The following MBD5 variants were observed in gnomAD, a reference collection of about 807,000 sequenced individuals.
The protein encoded by MBD5 is methyl-CpG binding domain protein 5.
A neutral mutation model predicts 117.3 loss-of-function variants in MBD5; 13 were observed. That is an observed-to-expected ratio of 0.11 (90% confidence interval 0.07 to 0.18). The LOEUF (loss-of-function observed/expected upper bound fraction) is 0.18, where lower values mean the gene tolerates loss of function less well. Ranked by LOEUF, MBD5 falls within the 10% of genes least tolerant of loss-of-function variation. The probability of loss-of-function intolerance (pLI) is 1.00; values close to 1 mark genes in which losing one functional copy is unlikely to be tolerated. For missense variants in MBD5, 1,879 were observed against 2,093.8 expected, an observed-to-expected ratio of 0.90 and a Z score of 2.00; for synonymous variants, 727 against 766.4, an observed-to-expected ratio of 0.95 and a Z score of 0.85.
Position 148,490,469 on chromosome 2 carries a change from C to A in MBD5, c.4837C>A (p.Pro1613Thr), listed in dbSNP as rs773779478. The change falls in exon 11 of 14, where the codon CCA becomes ACA. Residue 1613 changes from proline to threonine, a missense_variant. Physicochemically the swap from Pro to Thr is conservative, Grantham distance 38. Coordinates refer to ENST00000642680, the MANE Select transcript of MBD5 (RefSeq NM_001378120.1). ...PSSNELIHYR[P>T]RTFNVGDLVW... ...TTCAAATGAATTGATACATTATAGA[C>A]CAAGGACGTTCAATGTTGGCGACTT... is the stretch of plus-strand genomic sequence containing the variant. 6.2e-7 allele frequency: 1 copy of A among 1,614,154 alleles called. No individual in the cohort carries two copies. Among genetic ancestry groups the A allele is most frequent in the Non-Finnish European group, 8.5e-7 (1 of 1,180,032 alleles).
intron 11 of MBD5, among the ~76,000 whole-genome samples, chr2:148,498,882 A>G (rs775058414): frequency 5.3e-5 from 8 of 152,268 alleles, no homozygotes; most frequent in Non-Finnish European, 1.2e-4. Context: ...CATCTACCAC[A>G]TAGTAATGTC....
In MBD5 at chr2:148,389,188, T is replaced by TGG. The variant is rs2105510329; in HGVS notation, c.-557+46853_-557+46854insGG. 1.6e-4 allele frequency among the ~76,000 whole-genome samples: 2 copies of TGG among 12,222 alleles called. 1 individual carries two copies. The highest frequency in any genetic ancestry group is 6.5e-3 in the East Asian group (2 of 308). 8.0% of individuals were successfully genotyped at this position (12,222 alleles called of 152,430 possible). The stretch of plus-strand genomic sequence containing the variant: ...TTTATGGCTCCATAGTATTCCGTGG[T>TGG]GTGTGTGTGTGTGTGTGTGTGTGTG... On this transcript the variant is annotated intron_variant, in intron 4 of 13. Coordinates refer to ENST00000642680, the MANE Select transcript of MBD5 (RefSeq NM_001378120.1).
chr2:148,050,170 T>C (rs1374777806), intron 1 of MBD5, among the ~76,000 whole-genome samples: 1 of 152,146 alleles, frequency 6.6e-6, no homozygotes. Context: ...ATACGAGGGT[T>C]CCAGTTTCTC....
At chr2:148,255,234 C>T (rs1227283527) in intron 3 of MBD5, among the ~76,000 whole-genome samples, 1 of 152,090 alleles carries the variant, frequency 6.6e-6, no homozygotes, top group Non-Finnish European at 1.5e-5. Context: ...ATGCAGCTGC[C>T]AAGGGCTTCT....
chr2:148,384,044 C>T (rs1387851432), intron 4 of MBD5, among the ~76,000 whole-genome samples: 7 of 152,082 alleles, frequency 4.6e-5, no homozygotes, highest in African/African-American at 1.7e-4. Flanking sequence ...CCTTTGAAAA[C>T]TGGCACAAGA....
At chr2:148,342,602 G>A (rs192609009) in intron 4 of MBD5, among the ~76,000 whole-genome samples, 2 of 151,804 alleles carry the variant, frequency 1.3e-5, no homozygotes, top group Admixed American at 6.6e-5. Context: ...TTCATATTTT[G>A]TTATATCTTC....
intron 1 of MBD5, among the ~76,000 whole-genome samples, chr2:148,110,254 G>T (rs553517377): frequency 1.3e-5 from 2 of 152,152 alleles, no homozygotes; most frequent in East Asian, 1.9e-4. Flanking sequence ...CTAGTGAGAC[G>T]TTGAGCCAGA....
chr2:148,141,241 A>G (rs1697305423), intron 1 of MBD5, among the ~76,000 whole-genome samples: 1 of 152,192 alleles, frequency 6.6e-6, no homozygotes. Context: ...AAAACAGAGC[A>G]AGGAAATACC....
intron 1 of MBD5, among the ~76,000 whole-genome samples, chr2:148,090,955 G>A (rs1176015234): frequency 6.6e-6 from 1 of 152,066 alleles, no homozygotes; most frequent in Admixed American, 6.5e-5. Flanking sequence ...AAAAAGATAT[G>A]ATAAATGAAT....
chr2:148,189,330 G>A (rs894391004), intron 2 of MBD5, among the ~76,000 whole-genome samples: 80 of 151,304 alleles, frequency 5.3e-4, no homozygotes, highest in Non-Finnish European at 6.9e-4. Context: ...AAAGACAGCA[G>A]TAACCTCTGA....
intron 1 of MBD5, 123 bp downstream of exon 1, chr2:148,021,807 G>T (rs17225144): frequency 2.1e-4 from 44 of 208,328 alleles, no homozygotes; most frequent in African/African-American, 9.3e-4. Flanking sequence ...GTGCTGGGGG[G>T]GGTGAAGGAG....
intron 4 of MBD5, among the ~76,000 whole-genome samples, chr2:148,363,188 C>G (rs1358134724): frequency 6.6e-6 from 1 of 152,136 alleles, no homozygotes; most frequent in Non-Finnish European, 1.5e-5. Flanking sequence ...TAACACACTC[C>G]TCCGAGCTAA....
rs1193829280 is a variant in MBD5 at position 148,463,856 on chromosome 2, C to T, written c.334C>T (p.Leu112Phe). Residue 112 changes from leucine (L) to phenylalanine (F), a missense_variant, in exon 7 of 14, where the codon CTT becomes TTT. By Grantham distance (22) the Leu-to-Phe change is conservative. Coordinates refer to ENST00000642680, the MANE Select transcript of MBD5 (RefSeq NM_001378120.1). The stretch of plus-strand genomic sequence containing the variant: ...AAGAAAAATTATTGCAGTGGCCACA[C>T]TTCATAAAAGCATGGAAGCCCCACA... ...HKRKIIAVATLHKSMEAPHPS... is the reference protein window; with the variant it reads ...HKRKIIAVATFHKSMEAPHPS... 1 of 1,613,728 alleles carries T rather than the reference C, an allele frequency of 6.2e-7. No homozygotes were observed. Among genetic ancestry groups the T allele is most frequent in the South Asian group, 1.1e-5 (1 of 91,048 alleles).
At chr2:148,132,196 T>A (rs1284320238) in intron 1 of MBD5, among the ~76,000 whole-genome samples, 1 of 152,016 alleles carries the variant, frequency 6.6e-6, no homozygotes, top group Non-Finnish European at 1.5e-5. Flanking sequence ...TAGTCAAAAC[T>A]ATTGTTAGAG....
chr2:148,332,396 A>C lies in MBD5; in HGVS notation c.-679-9818A>C, dbSNP rs542224444. ...TATGTACTTATTTCTGATTTGGCTG[A>C]AAACTGTGTCCCACATAGTACAGAT... On this transcript the variant is annotated intron_variant, in intron 3 of 13. Coordinates refer to ENST00000642680, the MANE Select transcript of MBD5 (RefSeq NM_001378120.1). Among the ~76,000 whole-genome samples the C allele has an allele frequency of 9.2e-5, 14 of 152,274 alleles. No homozygotes were observed. The South Asian group carries it at 2.5e-3, about 27-fold the overall frequency.
chr2:148,215,073 C>T (rs1668531344), intron 2 of MBD5, among the ~76,000 whole-genome samples: 1 of 152,178 alleles, frequency 6.6e-6, no homozygotes, highest in Non-Finnish European at 1.5e-5. Flanking sequence ...AAGGATTGCA[C>T]ATTAATTTCC....
intron 12 of MBD5, among the ~76,000 whole-genome samples, chr2:148,508,249 A>G (rs966532042): frequency 6.6e-6 from 1 of 152,176 alleles, no homozygotes; most frequent in African/African-American, 2.4e-5. Flanking sequence ...TGAAACTGGA[A>G]TGGGTAGGTA....
intron 2 of MBD5, among the ~76,000 whole-genome samples, chr2:148,190,858 A>T (rs902984210): frequency 1.3e-5 from 1 of 78,202 alleles, no homozygotes; most frequent in Non-Finnish European, 2.5e-5. Context: ...TATTCAGGAA[A>T]CCCATCTCAC....
intron 4 of MBD5, among the ~76,000 whole-genome samples, chr2:148,343,824 T>C (rs1025527581): frequency 3.3e-5 from 5 of 152,134 alleles, no homozygotes; most frequent in African/African-American, 9.7e-5. Context: ...TAGGTCCCAA[T>C]TGCCAATTTT....
Sources: allele counts gnomAD v4.1 joint callset (sites outside exome capture counted in the v4.1 genomes callset), GRCh38; gene constraint gnomAD v4.1.1; transcripts MANE v1.5; gene names NCBI Gene and HGNC (gene_info 2026-07-23, HGNC 2026-07-21).